Variants in DPP8 observed in about 807,000 individuals in gnomAD.
DPP8 encodes the protein DPP VIII.
Under a neutral mutation model 107.5 loss-of-function variants are expected in DPP8, and 31 were observed. That is an observed-to-expected ratio of 0.29 (90% CI 0.22 to 0.39). The LOEUF is 0.39. Among genes scored for constraint, DPP8 ranks in the 10% least tolerant of loss-of-function variants. The probability of loss-of-function intolerance (pLI) is 1.00; values close to 1 mark genes in which losing one functional copy is unlikely to be tolerated. For missense variants in DPP8, 842 were observed against 1,076.1 expected (o/e 0.78, Z 3.04); for synonymous variants, 381 against 356.6 (o/e 1.07, Z -0.77).
intron 15 of DPP8, among the ~76,000 whole-genome samples, chr15:65,457,006 G>C (rs2064482364): frequency 6.6e-6 from 1 of 152,126 alleles, no homozygotes. Flanking sequence ...AACCTCAGGA[G>C]AGGTCTTGCC....
intron 11 of DPP8, among the ~76,000 whole-genome samples, chr15:65,476,701 A>G (rs751421638): frequency 6.6e-6 from 1 of 152,212 alleles, no homozygotes; most frequent in Non-Finnish European, 1.5e-5. Flanking sequence ...GTACATACCC[A>G]AAAGAATTGA....
chr15:65,449,822 TC>T (rs1474546436), intron 19 of DPP8, among the ~76,000 whole-genome samples: 2 of 152,230 alleles, frequency 1.3e-5, no homozygotes, highest in African/African-American at 4.8e-5. Context: ...GCAAGTGTCT[TC>T]TTTACTACTA....
At chr15:65,470,002 G>C (rs909228828) in intron 12 of DPP8, among the ~76,000 whole-genome samples, 50 of 151,574 alleles carry the variant, frequency 3.3e-4, no homozygotes, top group African/African-American at 1.0e-3. Context: ...TTCGAGACCA[G>C]CTTGGCCAAC....
At chr15:65,495,527 G>A (rs1446290359) in intron 5 of DPP8, among the ~76,000 whole-genome samples, 1 of 151,922 alleles carries the variant, frequency 6.6e-6, no homozygotes, top group Non-Finnish European at 1.5e-5. Flanking sequence ...TCACTTGAAC[G>A]CAGGAGGCAG....
At chr15:65,470,684 C>A (rs1473149375) in intron 12 of DPP8, among the ~76,000 whole-genome samples, 4 of 151,064 alleles carry the variant, frequency 2.6e-5, no homozygotes, top group Admixed American at 2.6e-4. Context: ...TCTGGGAGGC[C>A]AAAGTGGGCA....
chr15:65,498,550 T>C (rs1437256093), intron 4 of DPP8, among the ~76,000 whole-genome samples: 1 of 151,970 alleles, frequency 6.6e-6, no homozygotes, highest in Non-Finnish European at 1.5e-5. Flanking sequence ...GGAGAGGACA[T>C]AAAGGACATA....
At chr15:65,511,918 G>A in intron 2 of DPP8, 2 of 322,452 alleles carry the variant, frequency 6.2e-6, no homozygotes, top group East Asian at 7.5e-5. Context: ...TCAGGAAGAA[G>A]AGACCAAAAA....
At chr15:65,466,042 C>T (rs948383711) in intron 14 of DPP8, among the ~76,000 whole-genome samples, 1 of 152,164 alleles carries the variant, frequency 6.6e-6, no homozygotes, top group African/African-American at 2.4e-5. Flanking sequence ...CTTACTAGTT[C>T]AGAATACTAT....
intron 2 of DPP8, among the ~76,000 whole-genome samples, chr15:65,509,207 G>T (rs2070447593): frequency 6.6e-6 from 1 of 152,074 alleles, no homozygotes; most frequent in African/African-American, 2.4e-5. Flanking sequence ...CTTTGCTATA[G>T]AATTCTTAAG....
intron 19 of DPP8, among the ~76,000 whole-genome samples, chr15:65,448,398 C>T (rs892401369): frequency 6.6e-6 from 1 of 151,448 alleles, no homozygotes; most frequent in Non-Finnish European, 1.5e-5. Context: ...TTAGGCTGGG[C>T]ACGGTGGCTC....
rs749318449 is a variant in DPP8 at position 65,443,125 on chromosome 15, A to C, written c.*3759T>G. 2.0e-5 allele frequency: 3 copies of C among 152,224 alleles called. No homozygotes were observed. Among genetic ancestry groups the C allele is most frequent in the Non-Finnish European group, 4.4e-5 (3 of 68,038 alleles). 9.4% of individuals were successfully genotyped at this position (152,224 alleles called of 1,614,324 possible). ...ATGCTTAGCATTTACTTTGGAATGG[A>C]AAAATTAACCATTTTTATGTGGTTA... is the stretch of plus-strand genomic sequence containing the variant. On this transcript the variant is annotated 3_prime_UTR_variant, in exon 20 of 20. Transcript: ENST00000300141.
At chr15:65,496,431 G>C (rs532473884) in intron 5 of DPP8, among the ~76,000 whole-genome samples, 1 of 152,046 alleles carries the variant, frequency 6.6e-6, no homozygotes, top group Non-Finnish European at 1.5e-5. Context: ...TTAAACTCTG[G>C]TTCACGTGTT....
chr15:65,454,828 T>C lies in DPP8; in HGVS notation c.2119-413A>G, dbSNP rs376085142. Among the ~76,000 whole-genome samples the C allele has an allele frequency of 1.0e-3, 158 of 151,448 alleles. 3 individuals are homozygous for C. Among genetic ancestry groups the C allele is most frequent in the African/African-American group, 3.2e-3 (132 of 40,784 alleles). ...GCGTGAGCCACCACACCCGGCCCCG[T>C]AGGTTTTTTTAGATTAGAGTTTATT... On this transcript the variant is annotated intron_variant, in intron 16 of 19. Transcript: ENST00000300141.
chr15:65,475,011 G>A (rs1186012593), intron 11 of DPP8, among the ~76,000 whole-genome samples: 5 of 151,948 alleles, frequency 3.3e-5, no homozygotes, highest in Non-Finnish European at 5.9e-5. Context: ...ATTTCTTTTC[G>A]TTGTTTTTTT....
At chr15:65,472,626 A>T (rs1435286184) in intron 12 of DPP8, among the ~76,000 whole-genome samples, 1 of 152,194 alleles carries the variant, frequency 6.6e-6, no homozygotes, top group Non-Finnish European at 1.5e-5. Flanking sequence ...ATGTAGACAC[A>T]AGTAGTCTAT....
chr15:65,447,601 AT>A (rs1380507784), intron 19 of DPP8, among the ~76,000 whole-genome samples: 4 of 152,220 alleles, frequency 2.6e-5, no homozygotes, highest in African/African-American at 9.6e-5. Flanking sequence ...GTGCTATAGG[AT>A]GTCTCAAAGA....
At chr15:65,495,246 C>G (rs898425549) in intron 5 of DPP8, among the ~76,000 whole-genome samples, 4 of 152,166 alleles carry the variant, frequency 2.6e-5, no homozygotes, top group African/African-American at 9.6e-5. Flanking sequence ...TACTTAGGAT[C>G]AGTTTAGGTG....
At chr15:65,508,476 T>C (rs989149854) in intron 2 of DPP8, among the ~76,000 whole-genome samples, 2 of 151,970 alleles carry the variant, frequency 1.3e-5, no homozygotes, top group African/African-American at 4.8e-5. Flanking sequence ...GAGTTACATA[T>C]AAAAGATTGA....
At chr15:65,451,159 G>C in intron 18 of DPP8, 49 bp from the exon 19 acceptor site, 1 of 1,091,114 alleles carries the variant, frequency 9.2e-7, no homozygotes, top group Non-Finnish European at 1.4e-6. Flanking sequence ...TAGAGTATTT[G>C]GGAAAACCAT....
Sources: gnomAD v4.1 joint callset for allele counts (sites outside exome capture counted in the v4.1 genomes callset) on GRCh38, gnomAD v4.1.1 for gene constraint, MANE v1.5 for transcripts, NCBI Gene and HGNC (gene_info 2026-07-23, HGNC 2026-07-21) for gene names.